GLDN: variants seen among roughly 807,000 people sequenced by gnomAD.
The protein encoded by GLDN is collomin.
Under a neutral mutation model 56.5 loss-of-function variants are expected in GLDN, and 47 were observed. That is an observed-to-expected ratio of 0.83 (90% CI 0.66 to 1.06). The LOEUF is 1.06. Among genes scored for constraint, GLDN ranks in the 50% least tolerant of loss-of-function variants. The pLI is 0.00. For synonymous variants in GLDN, 332 were observed against 278.8 expected, an observed-to-expected ratio of 1.19 and a Z score of -1.90; for missense variants, 782 against 714.3, an observed-to-expected ratio of 1.09 and a Z score of -1.08.
downstream of GLDN, among the ~76,000 whole-genome samples, chr15:51,408,621 G>C (rs1316928947): frequency 2.0e-5 from 3 of 152,054 alleles, no homozygotes; most frequent in Admixed American, 6.5e-5. Context: ...TGCCATGTTG[G>C]TGTGCTGCAC....
intron 9 of GLDN, among the ~76,000 whole-genome samples, chr15:51,402,903 T>C (rs988789033): frequency 2.0e-5 from 3 of 152,204 alleles, no homozygotes; most frequent in Non-Finnish European, 1.5e-5. Context: ...CTTGTGCTAG[T>C]AGAAAAAGAC....
intron 1 of GLDN, among the ~76,000 whole-genome samples, chr15:51,353,053 A>C (rs2037104625): frequency 6.6e-6 from 1 of 152,208 alleles, no homozygotes; most frequent in Non-Finnish European, 1.5e-5. Flanking sequence ...TGTAAAACAT[A>C]AGATTGGTAT....
intron 4 of GLDN, 178 bp downstream of exon 4, chr15:51,384,070 TC>T: frequency 1.5e-6 from 1 of 670,454 alleles, no homozygotes; most frequent in Non-Finnish European, 2.7e-6. Context: ...TACTTCTTGG[TC>T]CCACCTTGAC....
chr15:51,361,587 CA>C (rs2037300845), intron 1 of GLDN, among the ~76,000 whole-genome samples: 1 of 152,176 alleles, frequency 6.6e-6, no homozygotes, highest in African/African-American at 2.4e-5. Flanking sequence ...TTCATTCATT[CA>C]ATATGTAGTC....
At chr15:51,382,675 G>T (rs1240057441) in intron 2 of GLDN, among the ~76,000 whole-genome samples, 1 of 150,302 alleles carries the variant, frequency 6.7e-6, no homozygotes, top group Admixed American at 6.6e-5. Flanking sequence ...GCAGTGAGCC[G>T]AGATGGTGCC....
At chr15:51,384,181 G>A (rs1055968190) in intron 4 of GLDN, 6 of 407,670 alleles carry the variant, frequency 1.5e-5, no homozygotes, top group South Asian at 1.4e-4. Flanking sequence ...ACAGCCCTGG[G>A]AGGGGCATTC....
chr15:51,397,411 T>A, intron 5 of GLDN, 59 bp from the exon 6 acceptor site: 1 of 734,608 alleles, frequency 1.4e-6, no homozygotes. Context: ...TGTCCCTCTC[T>A]CCCCTTCCCC....
rs779389882 is a variant in GLDN, at chr15:51,397,560, G to A, written c.779G>A (p.Gly260Asp). Residue 260 changes from glycine (G) to aspartate (D), a missense_variant, in exon 6 of 10, where the codon GGC becomes GAC. Physicochemically the swap from Gly to Asp is moderately conservative, Grantham distance 94. Transcript: ENST00000335449. Reference protein sequence around the residue: ...PGPPGSRRAKGPRQPSMFNGQ... With the variant: ...PGPPGSRRAKDPRQPSMFNGQ... ...CCCCCTGGAAGCAGAAGAGCCAAAGGCCCTCGGCAGCCAAGCATGTTCAAC... is the reference window on the plus strand; with the variant it reads ...CCCCCTGGAAGCAGAAGAGCCAAAGACCCTCGGCAGCCAAGCATGTTCAAC... 4 of 1,601,108 alleles carry A rather than the reference G, an allele frequency of 2.5e-6. No individual in the cohort carries two copies. In the South Asian group the frequency reaches 3.4e-5, roughly 13 times the overall value.
intron 1 of GLDN, among the ~76,000 whole-genome samples, chr15:51,345,153 T>C (rs1330965602): frequency 6.6e-6 from 1 of 152,210 alleles, no homozygotes; most frequent in Non-Finnish European, 1.5e-5. Context: ...TTCTTTTTGT[T>C]CTCTTCCCAT....
chr15:51,404,611 A>G lies in GLDN; in HGVS notation c.1513A>G (p.Asn505Asp), dbSNP rs138760513. 2.5e-6 allele frequency: 4 copies of G among 1,614,002 alleles called. No homozygotes were observed. The highest frequency in any genetic ancestry group is 3.4e-6 in the Non-Finnish European group (4 of 1,179,934). Residue 505 changes from asparagine to aspartate, a missense_variant, in exon 10 of 10, where the codon AAT becomes GAT. Asn to Asp is a conservative substitution (Grantham distance 23, BLOSUM62 1). Coordinates refer to ENST00000335449, the MANE Select transcript of GLDN (RefSeq NM_181789.4). ...TGATTTGTTAGGAGGGAAACAGATC[A>G]ATGCAAACTTTGATTTAAGAACTTC... ...AFDLLGGKQI[N>D]ANFDLRTSQS...
chr15:51,346,054 T>C (rs1272672674), intron 1 of GLDN, among the ~76,000 whole-genome samples: 2 of 152,220 alleles, frequency 1.3e-5, no homozygotes, highest in Non-Finnish European at 2.9e-5. Context: ...ACAGAAAATA[T>C]TTAAACCAAA....
rs2038334384 is a variant in GLDN at position 51,404,620 on chromosome 15, T to G, written c.1522T>G (p.Phe508Val). 2 of 1,613,944 alleles carry G rather than the reference T, an allele frequency of 1.2e-6. No individual in the cohort carries two copies. The highest frequency in any genetic ancestry group is 1.7e-6 in the Non-Finnish European group (2 of 1,179,880). ...AGGAGGGAAACAGATCAATGCAAAC[T>G]TTGATTTAAGAACTTCCCAGTCTGT... ...LLGGKQINAN[F>V]DLRTSQSVLA... The change falls in exon 10 of 10, where the codon TTT becomes GTT. Residue 508 changes from phenylalanine to valine, a missense_variant. Transcript: ENST00000335449.
chr15:51,395,559 G>A (rs2038108914), intron 5 of GLDN, among the ~76,000 whole-genome samples: 1 of 152,102 alleles, frequency 6.6e-6, no homozygotes, highest in South Asian at 2.1e-4. Context: ...GTGGCAGGCT[G>A]GACAGGAGAA....
chr15:51,360,611 T>G (rs1322999215), intron 1 of GLDN: 1 of 152,292 alleles, frequency 6.6e-6, no homozygotes, highest in Non-Finnish European at 1.5e-5. Context: ...GTTTTACTCT[T>G]CTGTCCCGGA....
At position 51,371,115 on chromosome 15, in the gene GLDN, C is replaced by G. The variant is rs116326478; in HGVS notation, c.364-6334C>G. Reference sequence around the variant, plus strand: ...CTCCCAGCTTTTTTGTGTACTTATACAAAAACATCTAGGGATTATTTATCA... The same window carrying G: ...CTCCCAGCTTTTTTGTGTACTTATAGAAAAACATCTAGGGATTATTTATCA... On this transcript the variant is annotated intron_variant, in intron 1 of 9. Coordinates refer to ENST00000335449, the MANE Select transcript of GLDN (RefSeq NM_181789.4). Among the ~76,000 whole-genome samples the G allele has an allele frequency of 3.3e-3, 509 of 152,250 alleles. 5 individuals are homozygous for G. Among genetic ancestry groups the G allele is most frequent in the African/African-American group, 0.011 (469 of 41,568 alleles).
chr15:51,355,023 C>G (rs2037147181), intron 1 of GLDN, among the ~76,000 whole-genome samples: 1 of 152,124 alleles, frequency 6.6e-6, no homozygotes, highest in African/African-American at 2.4e-5. Flanking sequence ...ATTTTGCTAA[C>G]TAATTGGATA....
chr15:51,366,065 A>T (rs1351551181), intron 1 of GLDN, among the ~76,000 whole-genome samples: 2 of 152,238 alleles, frequency 1.3e-5, no homozygotes, highest in African/African-American at 4.8e-5. Flanking sequence ...GGATTTACAG[A>T]TGCTTCTTTT....
chr15:51,370,771 C>A (rs1167299073), intron 1 of GLDN, among the ~76,000 whole-genome samples: 1 of 152,138 alleles, frequency 6.6e-6, no homozygotes, highest in Non-Finnish European at 1.5e-5. Context: ...GTGGGCAGAT[C>A]ACCTGAGGTC....
intron 1 of GLDN, among the ~76,000 whole-genome samples, chr15:51,365,173 A>G (rs1301621499): frequency 6.6e-6 from 1 of 152,256 alleles, no homozygotes; most frequent in African/African-American, 2.4e-5. Flanking sequence ...GGATTGGACC[A>G]CTGACACCAA....
Sources: gnomAD v4.1 joint callset for allele counts (sites outside exome capture counted in the v4.1 genomes callset) on GRCh38, gnomAD v4.1.1 for gene constraint, MANE v1.5 for transcripts, NCBI Gene and HGNC (gene_info 2026-07-23, HGNC 2026-07-21) for gene names.